The following FLRT1 variants were observed in gnomAD, a reference collection of about 807,000 sequenced individuals.
The protein encoded by FLRT1 is leucine-rich repeat transmembrane protein FLRT1.
Under a neutral mutation model 30.9 loss-of-function variants are expected in FLRT1, and 14 were observed. The ratio of observed to expected loss-of-function variants is 0.45; its 90% CI spans 0.30 to 0.71. The LOEUF (loss-of-function observed/expected upper bound fraction) is 0.71. FLRT1 is among the 30% of genes least tolerant of loss of function. The pLI, the probability that FLRT1 is intolerant of heterozygous loss-of-function variation, is 0.08. For missense variants in FLRT1, 737 were observed against 949.2 expected, an observed-to-expected ratio of 0.78 and a Z score of 2.94; for synonymous variants, 368 against 430.4, an observed-to-expected ratio of 0.85 and a Z score of 1.80.
At chr11:64,061,196 CCCCCGCTTCTAA>C (rs1180170519) in intron 1 of FLRT1, among the ~76,000 whole-genome samples, 1 of 152,226 alleles carries the variant, frequency 6.6e-6, no homozygotes, top group Non-Finnish European at 1.5e-5. Flanking sequence ...GTAAATAAGT[CCCCCGCTTCTAA>C]CCCCTGTAAT....
At chr11:64,056,721 C>T (rs1207651290) in intron 1 of FLRT1, among the ~76,000 whole-genome samples, 4 of 152,182 alleles carry the variant, frequency 2.6e-5, no homozygotes, top group African/African-American at 7.2e-5. Flanking sequence ...GCAGAGAACC[C>T]GGCAGGGGTG....
At chr11:64,038,186 C>T (rs1943419057) in intron 1 of FLRT1, among the ~76,000 whole-genome samples, 1 of 152,184 alleles carries the variant, frequency 6.6e-6, no homozygotes, top group African/African-American at 2.4e-5. Context: ...GGGGTGCTGC[C>T]ATCCCACTGG....
intron 2 of FLRT1, among the ~76,000 whole-genome samples, chr11:64,111,568 A>G (rs1371557091): frequency 6.6e-6 from 1 of 152,110 alleles, no homozygotes; most frequent in East Asian, 1.9e-4. Context: ...TGGGCCCCTC[A>G]TGTCTCTGAG....
intron 2 of FLRT1, 23 bp from the exon 3 acceptor site, chr11:64,116,195 GC>G: frequency 6.5e-7 from 1 of 1,527,292 alleles, no homozygotes; most frequent in Non-Finnish European, 8.7e-7. Context: ...CCCTCTCACT[GC>G]CCCTGTCCTG....
chr11:64,105,362 C>T (rs750604348), intron 2 of FLRT1, among the ~76,000 whole-genome samples: 3 of 152,224 alleles, frequency 2.0e-5, no homozygotes, highest in East Asian at 1.9e-4. Context: ...AAGGTCTGCT[C>T]AGTGGCTCTG....
chr11:64,060,456 C>A (rs1943877843), intron 1 of FLRT1: 1 of 152,274 alleles, frequency 6.6e-6, no homozygotes. Flanking sequence ...GGACCTGGGG[C>A]CCCTGTCGGG....
In FLRT1 at chr11:64,118,293, T is replaced by G. The variant is rs1423042012; in HGVS notation, c.*1T>G. The stretch of plus-strand genomic sequence containing the variant: ...CGACATAGACTACTCCTACACATGA[T>G]GCCCGCCCACCCGGGCTGCCCCGCC... On this transcript the variant is annotated 3_prime_UTR_variant, in exon 3 of 3. Transcript: ENST00000682287. 5 of 1,552,284 alleles carry G rather than the reference T, an allele frequency of 3.2e-6. No homozygotes were observed. In the African/African-American group the frequency reaches 5.4e-5, roughly 17 times the overall value.
At chr11:64,111,721 G>A (rs1944866230) in intron 2 of FLRT1, among the ~76,000 whole-genome samples, 1 of 152,200 alleles carries the variant, frequency 6.6e-6, no homozygotes, top group Admixed American at 6.5e-5. Flanking sequence ...TCCTCTGAAG[G>A]CTGATGTGTC....
At chr11:64,087,370 G>A (rs532381417) in intron 1 of FLRT1, among the ~76,000 whole-genome samples, 7 of 152,206 alleles carry the variant, frequency 4.6e-5, no homozygotes, top group East Asian at 1.9e-4. Context: ...CCCCTGCCAC[G>A]GCTGTAGCCC....
intron 1 of FLRT1, among the ~76,000 whole-genome samples, chr11:64,045,354 C>CGAGT (rs1565207464): frequency 6.6e-6 from 1 of 151,624 alleles, no homozygotes; most frequent in African/African-American, 2.4e-5. Context: ...CATTGTTCCC[C>CGAGT]GAGTTATGCT....
rs913520212 is a variant in FLRT1, at chr11:64,102,946, C to T, written c.-1037-248C>T. 5.3e-5 allele frequency among the ~76,000 whole-genome samples: 8 copies of T among 152,190 alleles called. No homozygotes were observed. The East Asian group carries it at 1.5e-3, about 29-fold the overall frequency. On this transcript the variant is annotated intron_variant, in intron 1 of 2. Coordinates refer to ENST00000682287, the MANE Select transcript of FLRT1 (RefSeq NM_013280.5). ...ATTAGCCGGGTGTGGTGGCTCACGCCTGTAGTCCTAGCTCCTTGGGAGGCT... is the reference window on the plus strand; with the variant it reads ...ATTAGCCGGGTGTGGTGGCTCACGCTTGTAGTCCTAGCTCCTTGGGAGGCT...
chr11:64,105,346 C>T (rs141651408), intron 2 of FLRT1, among the ~76,000 whole-genome samples: 99 of 152,322 alleles, frequency 6.5e-4, no homozygotes, highest in Non-Finnish European at 1.2e-3. Context: ...AGGCCTGCTG[C>T]CATGAAAGGT....
chr11:64,038,114 G>A (rs1397590877), intron 1 of FLRT1, among the ~76,000 whole-genome samples: 1 of 152,084 alleles, frequency 6.6e-6, no homozygotes, highest in African/African-American at 2.4e-5. Flanking sequence ...CCCCATCTCC[G>A]AGGCCTCCCA....
At chr11:64,073,429 C>A (rs1318660436) in intron 1 of FLRT1, among the ~76,000 whole-genome samples, 1 of 152,248 alleles carries the variant, frequency 6.6e-6, no homozygotes, top group East Asian at 1.9e-4. Flanking sequence ...CTGGCTTCTA[C>A]TCTTAACTCC....
At chr11:64,086,715 G>A (rs531096173) in intron 1 of FLRT1, among the ~76,000 whole-genome samples, 9 of 152,308 alleles carry the variant, frequency 5.9e-5, no homozygotes, top group Admixed American at 2.6e-4. Flanking sequence ...AGGGCATGAA[G>A]AAGGAAGGTT....
intron 1 of FLRT1, among the ~76,000 whole-genome samples, chr11:64,043,449 G>T (rs1943527020): frequency 6.6e-6 from 1 of 152,170 alleles, no homozygotes; most frequent in Non-Finnish European, 1.5e-5. Context: ...CTAAACGCCT[G>T]GTTGTGACAA....
At chr11:64,114,055 CATGG>C (rs61724501) in intron 2 of FLRT1, among the ~76,000 whole-genome samples, 28,770 of 97,650 alleles carry the variant, frequency 0.29, 3,499 homozygotes, top group African/African-American at 0.42. Context: ...TGGGTTGATG[CATGG>C]ATGGATGGAT....
Position 64,118,568 on chromosome 11 carries a change from T to G in FLRT1, c.*276T>G. 2.6e-6 allele frequency: 1 copy of G among 378,532 alleles called. No individual in the cohort carries two copies. The highest frequency in any genetic ancestry group is 8.1e-5 in the South Asian group (1 of 12,360). The allele number at this position is 378,532 out of a possible 1,614,324, so 23.4% of individuals were successfully genotyped here. A position where few individuals can be genotyped will look rare whatever the true frequency, so the allele number is the denominator to read the frequency against. On this transcript the variant is annotated 3_prime_UTR_variant, in exon 3 of 3. Transcript: ENST00000682287. ...CAGTTGGGGAGGGAAGGACTAAAAA[T>G]AATATTGCAGGCAGGGCTGGGTTGG...
rs567526137 is a variant in FLRT1 at position 64,047,319 on chromosome 11, G to A, written c.-1038+11160G>A. Reference sequence around the variant, plus strand: ...TACAACAGCCCTGGGAGTGGGTAGCGTGAGCCCATTTTAAGAAGGCGAAAC... The same window carrying A: ...TACAACAGCCCTGGGAGTGGGTAGCATGAGCCCATTTTAAGAAGGCGAAAC... On this transcript the variant is annotated intron_variant, in intron 1 of 2. Coordinates refer to ENST00000682287, the MANE Select transcript of FLRT1 (RefSeq NM_013280.5). Among the ~76,000 whole-genome samples, 4 of 152,234 alleles carry A rather than the reference G, an allele frequency of 2.6e-5. No individual in the cohort carries two copies. The East Asian group carries it at 5.8e-4, about 22-fold the overall frequency.
Sources: allele counts gnomAD v4.1 joint callset (sites outside exome capture counted in the v4.1 genomes callset), GRCh38; gene constraint gnomAD v4.1.1; transcripts MANE v1.5; gene names NCBI Gene and HGNC (gene_info 2026-07-23, HGNC 2026-07-21).